PSG7: variants seen among roughly 807,000 people sequenced by gnomAD.
The protein encoded by PSG7 is pregnancy-specific beta-1-glycoprotein 7.
A neutral mutation model predicts 45.6 loss-of-function variants in PSG7; 57 were observed. That is an observed-to-expected ratio of 1.25 (90% CI 1.01 to 1.56). The LOEUF is 1.56. Ranked by LOEUF, PSG7 falls within the 40% of genes most tolerant of loss-of-function variation. The pLI, the probability that PSG7 is intolerant of heterozygous loss-of-function variation, is 0.00. For missense variants in PSG7, 796 were observed against 508.4 expected, an observed-to-expected ratio of 1.57 and a Z score of -5.44; for synonymous variants, 298 against 194.4, an observed-to-expected ratio of 1.53 and a Z score of -4.43.
At chr19:42,928,862 C>A (rs988026922) in intron 3 of PSG7, among the ~76,000 whole-genome samples, 7 of 151,338 alleles carry the variant, frequency 4.6e-5, no homozygotes, top group African/African-American at 1.5e-4. Context: ...GACATAGACC[C>A]CTCTATATGT....
At position 42,932,075 on chromosome 19, in the gene PSG7, G is replaced by GT. The variant is rs1973032679; in HGVS notation, c.431-2356dup. ...GTCTCTCTTTGTCACCCAGGCTGGA[G>GT]TGCAGTGGCATGATCTCAGCTCACT... On this transcript the variant is annotated intron_variant, in intron 2 of 5. Transcript: ENST00000406070. Among the ~76,000 whole-genome samples, 3 of 151,362 alleles carry GT rather than the reference G, an allele frequency of 2.0e-5. 1 individual carries two copies. The highest frequency in any genetic ancestry group is 7.3e-5 in the African/African-American group (3 of 41,226).
Position 42,929,926 on chromosome 19 carries a change from G to C in PSG7, c.431-206C>G, listed in dbSNP as rs1266073377. 2.0e-5 allele frequency among the ~76,000 whole-genome samples: 3 copies of C among 151,508 alleles called. 1 individual carries two copies. The highest frequency in any genetic ancestry group is 4.9e-5 in the African/African-American group (2 of 41,190). Reference sequence around the variant, plus strand: ...TGCCTGCTTTATGTGGGAGAAGCATGGACTTTCTCAAGTGTGAATTGAGCA... The same window carrying C: ...TGCCTGCTTTATGTGGGAGAAGCATCGACTTTCTCAAGTGTGAATTGAGCA... On this transcript the variant is annotated intron_variant, in intron 2 of 5. Transcript: ENST00000406070.
chr19:42,934,658 A>G lies in PSG7; in HGVS notation c.430+746T>C, dbSNP rs147424118. ...TTTGCTTCCATGAGAAAGCACCTTT[A>G]CGTCAGATCCCTGTGGACAAGCTGC... On this transcript the variant is annotated intron_variant, in intron 2 of 5. Coordinates refer to ENST00000406070, the MANE Select transcript of PSG7 (RefSeq NM_002783.3). Among the ~76,000 whole-genome samples, 779 of 151,804 alleles carry G rather than the reference A, an allele frequency of 5.1e-3. 23 individuals are homozygous for G. Among genetic ancestry groups the G allele is most frequent in the Middle Eastern group, 0.02 (6 of 294 alleles).
intron 3 of PSG7, 161 bp downstream of exon 3, chr19:42,929,281 A>G: frequency 1.1e-5 from 17 of 1,491,514 alleles, no homozygotes; most frequent in Non-Finnish European, 1.5e-5. Flanking sequence ...GATCAAGCCT[A>G]GGCCTACTCT....
chr19:42,928,257 T>C (rs1972937894), intron 3 of PSG7, among the ~76,000 whole-genome samples: 1 of 151,598 alleles, frequency 6.6e-6, no homozygotes, highest in South Asian at 2.1e-4. Context: ...GTTTTTGTTG[T>C]GGCAGTCATT....
intron 3 of PSG7, among the ~76,000 whole-genome samples, chr19:42,928,162 T>G (rs556774004): frequency 2.0e-5 from 3 of 151,766 alleles, no homozygotes; most frequent in Admixed American, 6.6e-5. Flanking sequence ...TATTTTTGAA[T>G]GCCTTGGCAT....
intron 4 of PSG7, 193 bp downstream of exon 4, chr19:42,926,245 C>A (rs1972885021): frequency 2.2e-6 from 3 of 1,393,492 alleles, no homozygotes; most frequent in Non-Finnish European, 2.9e-6. Flanking sequence ...CGTCCACTCC[C>A]CTTATATTCT....
chr19:42,933,644 A>T lies in PSG7; in HGVS notation c.430+1760T>A, dbSNP rs181670521. Among the ~76,000 whole-genome samples, 325 of 150,582 alleles carry T rather than the reference A, an allele frequency of 2.2e-3. 5 individuals carry two copies. Among genetic ancestry groups the T allele is most frequent in the Admixed American group, 3.1e-3 (46 of 15,068 alleles). ...AGGGAGTGTCTGCGGAAGGCCTAGC[A>T]GTGGAGGAAGAAGCTGTGCAGGACA... On this transcript the variant is annotated intron_variant, in intron 2 of 5. Coordinates refer to ENST00000406070, the MANE Select transcript of PSG7 (RefSeq NM_002783.3).
In PSG7 at chr19:42,927,912, G is replaced by A. The variant is rs556191605; in HGVS notation, c.710-1196C>T. Among the ~76,000 whole-genome samples, 685 of 151,684 alleles carry A rather than the reference G, an allele frequency of 4.5e-3. 19 individuals carry two copies. The highest frequency in any genetic ancestry group is 0.012 in the South Asian group (56 of 4,756). ...TACAACTTAGGACAAAAAGTGTTTT[G>A]CATTTCTTTCATTTTTTGATTCTGA... On this transcript the variant is annotated intron_variant, in intron 3 of 5. Coordinates refer to ENST00000406070, the MANE Select transcript of PSG7 (RefSeq NM_002783.3).
rs187064656 is a variant in PSG7, at chr19:42,929,437, C to G, written c.709+5G>C. 102 of 1,612,144 alleles carry G rather than the reference C, an allele frequency of 6.3e-5. 7 individuals are homozygous for G. The South Asian group carries it at 8.8e-4, about 14-fold the overall frequency. The stretch of plus-strand genomic sequence containing the variant: ...CTGGCTAACAGAGGAACAGAAGATA[C>G]TCACGGAGGAGATTCAGGGTGACTG... On this transcript the variant is annotated splice_donor_5th_base_variant and intron_variant, in intron 3 of 5. Coordinates refer to ENST00000406070, the MANE Select transcript of PSG7 (RefSeq NM_002783.3).
At chr19:42,925,019 T>C (rs1407225373) in intron 5 of PSG7, 195 bp from the exon 6 acceptor site, 16 of 610,324 alleles carry the variant, frequency 2.6e-5, no homozygotes, top group South Asian at 2.1e-4. Flanking sequence ...TTTACATAAG[T>C]GCAGCAAGAG....
chr19:42,936,787 A>C (rs376629052), intron 1 of PSG7, among the ~76,000 whole-genome samples: 61 of 151,472 alleles, frequency 4.0e-4, no homozygotes, highest in African/African-American at 1.2e-3. Flanking sequence ...AGCTAGGATT[A>C]CAGGAGCACA....
intron 3 of PSG7, chr19:42,929,113 C>G: frequency 2.3e-6 from 1 of 435,614 alleles, no homozygotes; most frequent in Non-Finnish European, 4.1e-6. Flanking sequence ...TGTGGAAGGG[C>G]CACAGTGACC....
In PSG7 at chr19:42,937,201, C is replaced by G; in HGVS notation, c.-125G>C. The G allele has an allele frequency of 7.1e-7, 1 of 1,402,534 alleles. No homozygotes were observed. Among genetic ancestry groups the G allele is most frequent in the Non-Finnish European group, 9.7e-7 (1 of 1,034,060 alleles). The allele number at this position is 1,402,534 out of a possible 1,614,324, so 86.9% of individuals were successfully genotyped here. ...ACTGAGCCTCTTCCCGGGGCAGGAGCACTTCTCAAGCTCATGGGTGGGGTC... is the reference window on the plus strand; with the variant it reads ...ACTGAGCCTCTTCCCGGGGCAGGAGGACTTCTCAAGCTCATGGGTGGGGTC... On this transcript the variant is annotated 5_prime_UTR_variant, in exon 1 of 6. Transcript: ENST00000406070.
chr19:42,929,776 G>A (rs566317515), intron 2 of PSG7, 56 bp from the exon 3 acceptor site: 2 of 1,568,972 alleles, frequency 1.3e-6, no homozygotes, highest in East Asian at 2.3e-5. Context: ...CTCCTCCAAA[G>A]GCATTTTTCA....
intron 4 of PSG7, 130 bp downstream of exon 4, chr19:42,926,308 C>T: frequency 6.6e-7 from 1 of 1,525,850 alleles, no homozygotes; most frequent in Non-Finnish European, 8.8e-7. Context: ...TCATGGCCAG[C>T]TCGGATGTCC....
At chr19:42,928,644 C>G (rs578044108) in intron 3 of PSG7, among the ~76,000 whole-genome samples, 8 of 151,246 alleles carry the variant, frequency 5.3e-5, no homozygotes, top group Non-Finnish European at 7.4e-5. Context: ...ACAGGCAAAA[C>G]CTGGTGGTTT....
At chr19:42,925,027 G>C (rs1414270736) in intron 5 of PSG7, 1 of 604,474 alleles carries the variant, frequency 1.7e-6, no homozygotes, top group Non-Finnish European at 2.9e-6. Context: ...AGTGCAGCAA[G>C]AGTAGCAATG....
rs1161695412 is a variant in PSG7, at chr19:42,924,750, T to A, written c.*58A>T. On this transcript the variant is annotated 3_prime_UTR_variant, in exon 6 of 6. Transcript: ENST00000406070. The stretch of plus-strand genomic sequence containing the variant: ...GACTTATAGGGCTTCTGGAACAGAG[T>A]GGGTCTTGCTCTTTGAGGTTCCATG... 7 of 767,572 alleles carry A rather than the reference T, an allele frequency of 9.1e-6. No homozygotes were observed. The East Asian group carries it at 1.7e-4, about 19-fold the overall frequency. The allele number at this position is 767,572 out of a possible 1,614,324, so 47.5% of individuals were successfully genotyped here.
Sources: allele counts gnomAD v4.1 joint callset (sites outside exome capture counted in the v4.1 genomes callset), GRCh38; gene constraint gnomAD v4.1.1; transcripts MANE v1.5; gene names NCBI Gene and HGNC (gene_info 2026-07-23, HGNC 2026-07-21).